Variants in TTN observed in about 807,000 individuals in gnomAD.
The protein encoded by TTN is titin, also known as connectin.
TTN carries 1,525 observed loss-of-function variants against 3,223.0 expected under a neutral mutation model. The ratio of observed to expected loss-of-function variants is 0.47; its 90% CI spans 0.45 to 0.49. The LOEUF (loss-of-function observed/expected upper bound fraction) is 0.49. Ranked by LOEUF, TTN falls within the 20% of genes least tolerant of loss-of-function variation. TTN has a pLI of 0.00. For synonymous variants in TTN, 14,094 were observed against 15,161.0 expected, an observed-to-expected ratio of 0.93 and a Z score of 5.17; for missense variants, 40,786 against 43,424.0, an observed-to-expected ratio of 0.94 and a Z score of 5.40.
Position 178,611,515 on chromosome 2 carries a change from C to T in TTN, c.50714G>A (p.Arg16905His), listed in dbSNP as rs191539637. 591 of 1,612,876 alleles carry T rather than the reference C, an allele frequency of 3.7e-4. 1 individual carries two copies. Among genetic ancestry groups the T allele is most frequent in the Non-Finnish European group, 3.3e-4 (385 of 1,179,260 alleles). The change falls in exon 269 of 363, where the codon CGC becomes CAC. Residue 16905 changes from arginine (R) to histidine (H), a missense_variant. Physicochemically the swap from Arg to His is conservative, Grantham distance 29. Transcript: ENST00000589042. ...GTEKWMRVNS[R>H]PIKDLKFKVE... is the part of the protein sequence containing the mutation. ...CTTGAATTTCAAGTCCTTTATTGGG[C>T]GAGAATTAACTCTCATCCATTTCTC...
chr2:178,665,163 T>G (rs2065698913), intron 165 of TTN, among the ~76,000 whole-genome samples: 1 of 152,130 alleles, frequency 6.6e-6, no homozygotes, highest in African/African-American at 2.4e-5. Flanking sequence ...AAGGATTTGT[T>G]GAATGAATAC....
intron 164 of TTN, 55 bp from the exon 165 acceptor site, chr2:178,665,515 A>T: frequency 1.3e-6 from 2 of 1,567,348 alleles, no homozygotes; most frequent in South Asian, 2.2e-5. Context: ...GGAGACATTA[A>T]TTAAATGAGC....
Position 178,617,885 on chromosome 2 carries a change from A to G in TTN, c.47466T>C (p.Asp15822=). Residue 15822 remains aspartate, a synonymous_variant, in exon 253 of 363, where the codon GAT becomes GAC. Coordinates refer to ENST00000589042, the MANE Select transcript of TTN (RefSeq NM_001267550.2). ...RAEDLSATVT[D]VVEGQEYSFR... ...AACTGTACTCCTGTCCTTCTACCAC[A>G]TCAGTAACAGTTGCAGACAGGTCTT... 1 of 1,612,700 alleles carries G rather than the reference A, an allele frequency of 6.2e-7. No homozygotes were observed. The highest frequency in any genetic ancestry group is 8.5e-7 in the Non-Finnish European group (1 of 1,179,104).
chr2:178,631,436 GT>G, intron 236 of TTN, 136 bp from the exon 237 acceptor site: 1 of 951,546 alleles, frequency 1.1e-6, no homozygotes, highest in Non-Finnish European at 1.5e-6. Flanking sequence ...CATTTAACCT[GT>G]TTATGTTCAA....
chr2:178,529,125 T>C lies in TTN; in HGVS notation c.106626A>G (p.Gln35542=), dbSNP rs749978515. The C allele has an allele frequency of 3.8e-6, 6 of 1,590,350 alleles. No homozygotes were observed. In the South Asian group the frequency reaches 4.6e-5, roughly 12 times the overall value. Residue 35542 remains glutamine (Q), a synonymous_variant, in exon 360 of 363, where the codon CAA becomes CAG. Transcript: ENST00000589042. ...KKAVVQEEIS[Q]KALRSEEIKM... ...TAATTTCTTCAGACCTTAGGGCTTTTTGGGAAATTTCCTCTTGGACAACAG... is the reference window on the plus strand; with the variant it reads ...TAATTTCTTCAGACCTTAGGGCTTTCTGGGAAATTTCCTCTTGGACAACAG...
intron 78 of TTN, 138 bp from the exon 79 acceptor site, chr2:178,721,340 G>T (rs2078326397): frequency 1.4e-6 from 1 of 724,920 alleles, no homozygotes; most frequent in Non-Finnish European, 1.9e-6. Flanking sequence ...GGATTTTACA[G>T]TAAAATAAGT....
rs188370772 is a variant in TTN, at chr2:178,562,392, T to C, written c.83740A>G (p.Thr27914Ala). Residue 27914 changes from threonine to alanine, a missense_variant, in exon 326 of 363, where the codon ACA becomes GCA. Transcript: ENST00000589042. ...TKGSEKWSTCTQVKTLEATIS... is the reference protein window; with the variant it reads ...TKGSEKWSTCAQVKTLEATIS... Reference sequence around the variant, plus strand: ...GTTGCTTCTAGAGTCTTAACTTGTGTGCAGGTGCTCCACTTTTCACTCCCT... The same window carrying C: ...GTTGCTTCTAGAGTCTTAACTTGTGCGCAGGTGCTCCACTTTTCACTCCCT... 801 of 1,611,760 alleles carry C rather than the reference T, an allele frequency of 5.0e-4. 9 individuals carry two copies. In the African/African-American group the frequency reaches 8.4e-3, roughly 17 times the overall value.
At chr2:178,765,588 T>G (rs1170334772) in intron 41 of TTN, among the ~76,000 whole-genome samples, 2 of 152,182 alleles carry the variant, frequency 1.3e-5, no homozygotes, top group Non-Finnish European at 2.9e-5. Flanking sequence ...TCTAGGAACC[T>G]AGGGAATGCT....
chr2:178,627,129 A>G (rs1016110830), intron 240 of TTN, among the ~76,000 whole-genome samples: 2 of 151,994 alleles, frequency 1.3e-5, no homozygotes, highest in Non-Finnish European at 2.9e-5. Flanking sequence ...TGACAAAACT[A>G]TTAAAGTTTT....
intron 263 of TTN, 91 bp downstream of exon 263, chr2:178,613,660 T>C: frequency 7.5e-7 from 1 of 1,330,236 alleles, no homozygotes; most frequent in Non-Finnish European, 1.0e-6. Flanking sequence ...TTTTTAGTAA[T>C]ATATAATCAT....
chr2:178,542,396 C>T lies in TTN; in HGVS notation c.97360G>A (p.Val32454Met). Residue 32454 changes from valine to methionine, a missense_variant, in exon 349 of 363, where the codon GTG becomes ATG. Val to Met is a conservative substitution (Grantham distance 21). Transcript: ENST00000589042. ...RPGWLPVSES[V>M]TRSTFKFTRL... ...GTAAACTTAAACGTGGACCTAGTCA[C>T]TGATTCAGAAACGGGCAGCCATCCT... 1 of 1,613,650 alleles carries T rather than the reference C, an allele frequency of 6.2e-7. No individual in the cohort carries two copies. The highest frequency in any genetic ancestry group is 8.5e-7 in the Non-Finnish European group (1 of 1,179,704).
chr2:178,648,711 T>A (rs184158398), intron 213 of TTN, among the ~76,000 whole-genome samples: 1 of 152,206 alleles, frequency 6.6e-6, no homozygotes, highest in Non-Finnish European at 1.5e-5. Flanking sequence ...CATCCGGCCT[T>A]ATTTCCTCAA....
Position 178,722,581 on chromosome 2 carries a change from A to T in TTN, c.22241-35T>A, listed in dbSNP as rs560141618. 13 of 1,592,166 alleles carry T rather than the reference A, an allele frequency of 8.2e-6. No individual in the cohort carries two copies. In the East Asian group the frequency reaches 1.1e-4, roughly 14 times the overall value. On this transcript the variant is annotated intron_variant, in intron 76 of 362. Transcript: ENST00000589042. ...GACATGTAATACTTAAGGTGTTAGG[A>T]GATGAAATGAGAAGTTCACCATAAA...
At chr2:178,757,158 CAGTA>C (rs1401209427) in intron 45 of TTN, among the ~76,000 whole-genome samples, 2 of 149,826 alleles carry the variant, frequency 1.3e-5, no homozygotes, top group African/African-American at 2.5e-5. Flanking sequence ...GCTTTAAGTA[CAGTA>C]AGTAATACTG....
In TTN at chr2:178,554,746, G is replaced by A. The variant is rs760009798; in HGVS notation, c.88601C>T (p.Pro29534Leu). ...ATIRVQILDK[P>L]GPPGGPIEFK... is the part of the protein sequence containing the mutation. The stretch of plus-strand genomic sequence containing the variant: ...TTCAATTGGTCCACCAGGTGGGCCT[G>A]GTTTGTCTATCAGTGAAAGGACAAA... The change falls in exon 332 of 363, where the codon CCA (proline) becomes CTA (leucine). Residue 29534 changes from proline to leucine, a missense_variant. Pro to Leu is a moderately conservative substitution (Grantham distance 98). Transcript: ENST00000589042. 1.2e-6 allele frequency: 2 copies of A among 1,613,436 alleles called. No individual in the cohort carries two copies. Among genetic ancestry groups the A allele is most frequent in the Non-Finnish European group, 1.7e-6 (2 of 1,179,736 alleles).
In TTN at chr2:178,647,374, C is replaced by T. The variant is rs77960621; in HGVS notation, c.40141+7G>A. 2.7e-3 allele frequency: 4,163 copies of T among 1,549,284 alleles called. 98 individuals carry two copies. In the African/African-American group the frequency reaches 0.05, roughly 19 times the overall value. On this transcript the variant is annotated splice_region_variant and intron_variant, in intron 214 of 362. Coordinates refer to ENST00000589042, the MANE Select transcript of TTN (RefSeq NM_001267550.2). ...ATCTTTCCAAGATTTATGGAGAAGC[C>T]GTGTACCTTCAGCAGGTGGAACTTC...
rs1577196678 is a variant in TTN, at chr2:178,670,382, G to C, written c.35309-87C>G. 3 of 639,094 alleles carry C rather than the reference G, an allele frequency of 4.7e-6. No homozygotes were observed. The Middle Eastern group carries it at 1.4e-3, about 303-fold the overall frequency. 39.6% of individuals were successfully genotyped at this position (639,094 alleles called of 1,614,324 possible). On this transcript the variant is annotated intron_variant, in intron 156 of 362. Transcript: ENST00000589042. Reference sequence around the variant, plus strand: ...GCATGAGAGATATAAACACAGAACAGAACACAGCAACAATATAAAATGCAG... The same window carrying C: ...GCATGAGAGATATAAACACAGAACACAACACAGCAACAATATAAAATGCAG...
Position 178,577,475 on chromosome 2 carries a change from C to T in TTN, c.68860G>A (p.Asp22954Asn). 6.3e-7 allele frequency: 1 copy of T among 1,595,086 alleles called. No homozygotes were observed. The highest frequency in any genetic ancestry group is 8.6e-7 in the Non-Finnish European group (1 of 1,167,948). Residue 22954 changes from aspartate to asparagine, a missense_variant, in exon 324 of 363, where the codon GAT becomes AAT. Coordinates refer to ENST00000589042, the MANE Select transcript of TTN (RefSeq NM_001267550.2). ...PTIVLDPTIK[D>N]GLTIKAGDTI... Reference sequence around the variant, plus strand: ...TCCCCTGCTTTAATTGTTAGCCCATCTTTTATTGTGGGATCAAGGACAATT... The same window carrying T: ...TCCCCTGCTTTAATTGTTAGCCCATTTTTTATTGTGGGATCAAGGACAATT...
intron 47 of TTN, chr2:178,747,620 G>T (rs747540601): frequency 6.2e-7 from 1 of 1,613,214 alleles, no homozygotes; most frequent in African/African-American, 1.3e-5. Flanking sequence ...GACAAGCTTT[G>T]CCTGGTCTCT....
Sources: allele counts gnomAD v4.1 joint callset (sites outside exome capture counted in the v4.1 genomes callset), GRCh38; gene constraint gnomAD v4.1.1; transcripts MANE v1.5; gene names NCBI Gene and HGNC (gene_info 2026-07-23, HGNC 2026-07-21).